The following GPR137 variants were observed in gnomAD, a reference collection of about 807,000 sequenced individuals.
GPR137 encodes the protein integral membrane protein GPR137.
A neutral mutation model predicts 38.9 loss-of-function variants in GPR137; 20 were observed. The observed-to-expected ratio is 0.51, with a 90% confidence interval of 0.36 to 0.75. The LOEUF (loss-of-function observed/expected upper bound fraction) is 0.75. Ranked by LOEUF, GPR137 falls within the 30% of genes least tolerant of loss-of-function variation. The pLI is 0.00. For missense variants in GPR137, 456 were observed against 526.4 expected, an observed-to-expected ratio of 0.87 and a Z score of 1.31; for synonymous variants, 226 against 235.8, an observed-to-expected ratio of 0.96 and a Z score of 0.38.
chr11:64,271,606 C>CG, upstream of GPR137: 7 of 1,435,680 alleles, frequency 4.9e-6, no homozygotes, highest in Non-Finnish European at 6.4e-6. Flanking sequence ...TGGGGACTGG[C>CG]GCTCACCTTA....
At chr11:64,284,477 C>G (rs1238074972), upstream of GPR137, 10 of 1,591,188 alleles carry the variant, frequency 6.3e-6, no homozygotes, top group Non-Finnish European at 8.5e-6. Flanking sequence ...CACCGTAGCG[C>G]CCCCAGGCCC....
chr11:64,287,818 TG>T lies in GPR137; in HGVS notation c.508del (p.Ala170ProfsTer9). Reference sequence around the variant, plus strand: ...CTCCCATCGGCGCCGGGCACAGCCCTGGGCCCTGCTGCTTGTCCGCGTCCTG... The same window carrying T: ...CTCCCATCGGCGCCGGGCACAGCCCTGGCCCTGCTGCTTGTCCGCGTCCTG... ...VLSHRRRAQP[W>X]ALLLVRVLVS... On this transcript the variant is annotated frameshift_variant, in exon 3 of 7. Transcript: ENST00000438980. LOFTEE classifies it high-confidence loss of function. 1 of 1,606,926 alleles carries T rather than the reference TG, an allele frequency of 6.2e-7. No homozygotes were observed.
chr11:64,274,312 G>A (rs542488745), upstream of GPR137, among the ~76,000 whole-genome samples: 41 of 152,170 alleles, frequency 2.7e-4, 1 homozygote, highest in East Asian at 1.4e-3. Flanking sequence ...GCGTGAACCC[G>A]GGAGGCGGAG....
chr11:64,284,643 C>A (rs556266858), upstream of GPR137: 18 of 1,531,234 alleles, frequency 1.2e-5, no homozygotes, highest in East Asian at 4.4e-4. Context: ...CAAGCCCGAT[C>A]TCGAGGCCCC....
At chr11:64,271,681 G>C, upstream of GPR137, 1 of 1,485,354 alleles carries the variant, frequency 6.7e-7, no homozygotes, top group Non-Finnish European at 8.9e-7. Context: ...GCTGCCCAGA[G>C]GTTGGGGGGC....
Position 64,286,616 on chromosome 11 carries a change from C to A in GPR137, c.92C>A (p.Thr31Asn). The A allele has an allele frequency of 6.2e-7, 1 of 1,614,064 alleles. No homozygotes were observed. The highest frequency in any genetic ancestry group is 8.5e-7 in the Non-Finnish European group (1 of 1,179,968). The change falls in exon 1 of 7, where the codon ACC (threonine) becomes AAC (asparagine). Residue 31 changes from threonine (T) to asparagine (N), a missense_variant. Coordinates refer to ENST00000438980, the MANE Select transcript of GPR137 (RefSeq NM_001170880.2). The part of the protein sequence containing the change: ...AVTLGLTAAY[T>N]TLYALLFFSV... ...ACCCTGGGGCTGACAGCTGCCTACA[C>A]CACCCTGTATGCCCTGCTCTTCTTC...
In GPR137 at chr11:64,285,947, C is replaced by T; in HGVS notation, c.-578C>T. On this transcript the variant is annotated 5_prime_UTR_variant, in exon 1 of 7. Transcript: ENST00000438980. ...GACCTGGCGTCCGCCTCCTCCCTCC[C>T]CTTGAGGCTGGAGCGTGGACGCGGT... The T allele has an allele frequency of 1.0e-6, 1 of 966,264 alleles. No homozygotes were observed. The highest frequency in any genetic ancestry group is 4.8e-5 in the South Asian group (1 of 20,930). 59.9% of individuals were successfully genotyped at this position (966,264 alleles called of 1,614,324 possible).
chr11:64,281,676 G>A (rs2033480694), upstream of GPR137, among the ~76,000 whole-genome samples: 2 of 152,240 alleles, frequency 1.3e-5, 1 homozygote, highest in South Asian at 4.2e-4. Context: ...GGTGAGTGCT[G>A]ACCACCTCTG....
upstream of GPR137, among the ~76,000 whole-genome samples, chr11:64,274,120 C>T (rs926647028): frequency 6.6e-6 from 1 of 152,190 alleles, no homozygotes; most frequent in Non-Finnish European, 1.5e-5. Context: ...TGGCCGGGTG[C>T]GGTGGCTTAC....
chr11:64,272,300 C>T (rs914466209), upstream of GPR137, among the ~76,000 whole-genome samples: 20 of 150,448 alleles, frequency 1.3e-4, no homozygotes, highest in African/African-American at 4.4e-4. Context: ...GCCTGGGCGA[C>T]AGGCTTTTTT....
intron 2 of GPR137, chr11:64,287,272 A>G (rs745821367): frequency 3.0e-5 from 30 of 985,270 alleles, no homozygotes; most frequent in Non-Finnish European, 3.3e-5. Flanking sequence ...GGCGAGCTGG[A>G]GGCTCCAGCC....
upstream of GPR137, chr11:64,285,425 C>CG (rs1207425155): frequency 1.0e-6 from 1 of 983,704 alleles, no homozygotes; most frequent in Non-Finnish European, 1.2e-6. Context: ...CGGGCCCGCG[C>CG]GGGGGATTCG....
chr11:64,288,623 T>C lies in GPR137; in HGVS notation c.933T>C (p.Asn311=). The change falls in exon 6 of 7, where the codon AAT becomes AAC. Residue 311 remains asparagine, a synonymous_variant. Transcript: ENST00000438980. The surrounding 1 kb of genome is among the most constrained non-coding windows in gnomAD (Gnocchi z 5.5). ...CCCAGAGCACCAGCCACATCCTCAA[T>C]GGGCAGGTCTTTGCCTCTCGGTCCT... ...PQDLSTSHIL[N]GQVFASRSYF... 1 of 1,612,998 alleles carries C rather than the reference T, an allele frequency of 6.2e-7. No homozygotes were observed. Among genetic ancestry groups the C allele is most frequent in the Non-Finnish European group, 8.5e-7 (1 of 1,179,492 alleles).
At chr11:64,272,489 A>G (rs1469215839), upstream of GPR137, among the ~76,000 whole-genome samples, 2 of 152,124 alleles carry the variant, frequency 1.3e-5, no homozygotes. Context: ...CTCCTCTGCA[A>G]GGGACCTGCA....
In GPR137 at chr11:64,289,472, A is replaced by G. The variant is rs2034546037; in HGVS notation, c.*276A>G. 1.3e-6 allele frequency: 2 copies of G among 1,484,250 alleles called. No homozygotes were observed. The highest frequency in any genetic ancestry group is 1.4e-5 in the South Asian group (1 of 73,668). 91.9% of individuals were successfully genotyped at this position (1,484,250 alleles called of 1,614,324 possible). On this transcript the variant is annotated 3_prime_UTR_variant, in exon 7 of 7. Transcript: ENST00000438980. ...CTACCTCTCCTGTGCCTGCCACTCAATAAACAGTGTCTGCGCCCCACAGTT... is the reference window on the plus strand; with the variant it reads ...CTACCTCTCCTGTGCCTGCCACTCAGTAAACAGTGTCTGCGCCCCACAGTT...
chr11:64,287,130 T>C lies in GPR137; in HGVS notation c.407+116T>C, dbSNP rs144121146. The C allele has an allele frequency of 7.2e-3, 10,729 of 1,488,994 alleles. 64 individuals are homozygous for C. The highest frequency in any genetic ancestry group is 8.1e-3 in the Non-Finnish European group (9,030 of 1,115,458). 92.2% of individuals were successfully genotyped at this position (1,488,994 alleles called of 1,614,324 possible). On this transcript the variant is annotated intron_variant, in intron 2 of 6. Coordinates refer to ENST00000438980, the MANE Select transcript of GPR137 (RefSeq NM_001170880.2). ...ACAAAGGCAACCCAGGGAATGTCTG[T>C]GGAAGATCTTGGAAAAGTTAAAGCA...
chr11:64,289,087 A>G lies in GPR137; in HGVS notation c.1082A>G (p.Glu361Gly). Residue 361 changes from glutamate to glycine, a missense_variant, in exon 7 of 7, where the codon GAG (glutamate) becomes GGG (glycine). Transcript: ENST00000438980. The part of the protein sequence containing the change: ...SGSWYGAIGR[E>G]PGWYGGSQTK... ...AGCTGGTATGGTGCCATCGGGCGTGAGCCGGGCTGGTATGGGGGCAGCCAG... is the reference window on the plus strand; with the variant it reads ...AGCTGGTATGGTGCCATCGGGCGTGGGCCGGGCTGGTATGGGGGCAGCCAG... 6.2e-7 allele frequency: 1 copy of G among 1,610,588 alleles called. No homozygotes were observed. The highest frequency in any genetic ancestry group is 1.1e-5 in the South Asian group (1 of 90,988).
chr11:64,280,626 C>T (rs2033404882), upstream of GPR137, among the ~76,000 whole-genome samples: 2 of 151,110 alleles, frequency 1.3e-5, no homozygotes, highest in African/African-American at 4.9e-5. Flanking sequence ...GCTGGGATTA[C>T]AGGCGTGAGC....
upstream of GPR137, among the ~76,000 whole-genome samples, chr11:64,270,900 G>C (rs185521548): frequency 0.12 from 10,804 of 86,570 alleles, 1,040 homozygotes; most frequent in Non-Finnish European, 0.18. Flanking sequence ...TGCCCTGTGA[G>C]ACACACACAC....
Sources: gnomAD v4.1 joint callset for allele counts (sites outside exome capture counted in the v4.1 genomes callset) on GRCh38, gnomAD v4.1.1 for gene constraint, Gnocchi (gnomAD v3.1) non-coding constraint, MANE v1.5 for transcripts, NCBI Gene and HGNC (gene_info 2026-07-23, HGNC 2026-07-21) for gene names.